Variants in LRRC36 observed in about 807,000 individuals in gnomAD.
LRRC36 encodes the protein leucine rich repeat containing 36.
Under a neutral mutation model 81.1 loss-of-function variants are expected in LRRC36, and 62 were observed. The observed-to-expected ratio is 0.76, with a 90% CI of 0.62 to 0.94. LRRC36 has a LOEUF of 0.94. Ranked by LOEUF, LRRC36 falls within the 40% of genes least tolerant of loss-of-function variation. The pLI, the probability that LRRC36 is intolerant of heterozygous loss-of-function variation, is 0.00. For missense variants in LRRC36, 761 were observed against 881.7 expected, an observed-to-expected ratio of 0.86 and a Z score of 1.73; for synonymous variants, 334 against 348.6, an observed-to-expected ratio of 0.96 and a Z score of 0.47.
chr16:67,340,834 A>G (rs2038004267), intron 1 of LRRC36, among the ~76,000 whole-genome samples: 1 of 142,164 alleles, frequency 7.0e-6, no homozygotes, highest in Non-Finnish European at 1.5e-5. Flanking sequence ...TATACTCTAT[A>G]GAATATATAC....
chr16:67,369,296 T>C (rs1330520312), intron 8 of LRRC36, among the ~76,000 whole-genome samples: 1 of 151,884 alleles, frequency 6.6e-6, no homozygotes, highest in Non-Finnish European at 1.5e-5. Context: ...GCCAGTAAGA[T>C]AGAGGGGAAA....
intron 8 of LRRC36, among the ~76,000 whole-genome samples, chr16:67,370,453 C>T (rs2039584358): frequency 1.3e-5 from 2 of 151,906 alleles, no homozygotes; most frequent in South Asian, 4.2e-4. Flanking sequence ...ACCAGCATGG[C>T]CAATATGGTG....
rs71145966 is a variant in LRRC36, at chr16:67,331,069, A to AAGAGAGAGAG, written c.70+4173_70+4182dup. On this transcript the variant is annotated intron_variant, in intron 1 of 13. Coordinates refer to ENST00000329956, the MANE Select transcript of LRRC36 (RefSeq NM_018296.6). ...GTGCATGTGTGAGATGTGAGAGAGA[A>AAGAGAGAGAG]AGAGAGAGAGAGAGAGAGAGAGAGA... is the stretch of plus-strand genomic sequence containing the variant. Among the ~76,000 whole-genome samples, 793 of 118,598 alleles carry AAGAGAGAGAG rather than the reference A, an allele frequency of 6.7e-3. 28 individuals are homozygous for AAGAGAGAGAG. The highest frequency in any genetic ancestry group is 0.025 in the African/African-American group (706 of 27,942). 77.8% of individuals were successfully genotyped at this position (118,598 alleles called of 152,430 possible).
intron 5 of LRRC36, among the ~76,000 whole-genome samples, chr16:67,356,020 T>C (rs1035002871): frequency 2.0e-5 from 3 of 152,186 alleles, no homozygotes; most frequent in African/African-American, 7.2e-5. Flanking sequence ...AAGGTTTATG[T>C]TGGGTAGAAG....
chr16:67,344,625 G>A (rs1222465618), intron 2 of LRRC36, among the ~76,000 whole-genome samples: 1 of 151,936 alleles, frequency 6.6e-6, no homozygotes, highest in East Asian at 1.9e-4. Flanking sequence ...ACTTGAGCTG[G>A]GCCATTAGAC....
chr16:67,366,798 T>C (rs1357357979), intron 7 of LRRC36, among the ~76,000 whole-genome samples: 1 of 152,162 alleles, frequency 6.6e-6, no homozygotes, highest in Non-Finnish European at 1.5e-5. Context: ...ATAGATTCTT[T>C]ACTGTTTACA....
chr16:67,365,631 A>G (rs1226470812), intron 7 of LRRC36, among the ~76,000 whole-genome samples: 3 of 151,794 alleles, frequency 2.0e-5, no homozygotes, highest in Admixed American at 1.3e-4. Flanking sequence ...ATTATTTTTT[A>G]TTCATCCATT....
intron 1 of LRRC36, among the ~76,000 whole-genome samples, chr16:67,334,368 A>T (rs1008610330): frequency 2.0e-5 from 3 of 151,032 alleles, no homozygotes; most frequent in South Asian, 4.2e-4. Flanking sequence ...TCTGTTGCCC[A>T]GGCTGGAATG....
intron 4 of LRRC36, among the ~76,000 whole-genome samples, chr16:67,348,955 C>T (rs1303871014): frequency 1.3e-5 from 2 of 152,150 alleles, no homozygotes; most frequent in Non-Finnish European, 2.9e-5. Context: ...CTTCAGTGAA[C>T]ATTCTTAGTT....
chr16:67,375,607 C>T (rs1460604520), intron 10 of LRRC36, among the ~76,000 whole-genome samples, 195 bp downstream of exon 10: 1 of 152,102 alleles, frequency 6.6e-6, no homozygotes, highest in Non-Finnish European at 1.5e-5. Context: ...AAAAGCAGCA[C>T]CTCTTCTAAT....
intron 4 of LRRC36, chr16:67,348,417 C>G (rs2038455033): frequency 6.6e-6 from 1 of 151,934 alleles, no homozygotes; most frequent in African/African-American, 2.4e-5. Context: ...ATTCATAATC[C>G]TACCATTCAG....
Position 67,382,184 on chromosome 16 carries a change from A to G in LRRC36, c.1982A>G (p.Asn661Ser). ...QQLTMQVACL[N>S]QELAQLKKLE... The stretch of plus-strand genomic sequence containing the variant: ...CTGACCATGCAGGTGGCTTGCCTGA[A>G]CCAGGAGCTTGCCCAGCTGAAAAAG... Residue 661 changes from asparagine (N) to serine (S), a missense_variant, in exon 13 of 14, where the codon AAC becomes AGC. Asn to Ser is a conservative substitution (Grantham distance 46, BLOSUM62 1). Coordinates refer to ENST00000329956, the MANE Select transcript of LRRC36 (RefSeq NM_018296.6). 6.2e-7 allele frequency: 1 copy of G among 1,614,216 alleles called. No individual in the cohort carries two copies. Among genetic ancestry groups the G allele is most frequent in the Non-Finnish European group, 8.5e-7 (1 of 1,180,038 alleles).
rs759468031 is a variant in LRRC36, at chr16:67,341,939, CTGA to C, written c.71-13_71-11del. The C allele has an allele frequency of 6.3e-7, 1 of 1,598,604 alleles. No individual in the cohort carries two copies. The highest frequency in any genetic ancestry group is 1.1e-5 in the South Asian group (1 of 88,974). Reference sequence around the variant, plus strand: ...CCGAGCAGGGATCATAATATATCTACTGATGATCTCTTTTCAGAACTGGTGGAG... The same window carrying C: ...CCGAGCAGGGATCATAATATATCTACTGATCTCTTTTCAGAACTGGTGGAG... On this transcript the variant is annotated splice_polypyrimidine_tract_variant and intron_variant, in intron 1 of 13. Coordinates refer to ENST00000329956, the MANE Select transcript of LRRC36 (RefSeq NM_018296.6).
At chr16:67,373,004 T>C (rs1188352523) in intron 9 of LRRC36, among the ~76,000 whole-genome samples, 1 of 152,216 alleles carries the variant, frequency 6.6e-6, no homozygotes, top group Non-Finnish European at 1.5e-5. Context: ...ATATTTGGGA[T>C]GTTATATTAA....
intron 12 of LRRC36, among the ~76,000 whole-genome samples, chr16:67,379,532 C>T (rs902851598): frequency 1.3e-5 from 2 of 152,154 alleles, no homozygotes; most frequent in African/African-American, 4.8e-5. Context: ...GCCTGGCCAA[C>T]ATGGTGAAAC....
chr16:67,358,456 C>T (rs1212605226), intron 5 of LRRC36, among the ~76,000 whole-genome samples: 1 of 152,008 alleles, frequency 6.6e-6, no homozygotes, highest in Non-Finnish European at 1.5e-5. Context: ...GATATTCCTG[C>T]CTCCTGAGTA....
Position 67,330,625 on chromosome 16 carries a change from G to A in LRRC36, c.70+3693G>A, listed in dbSNP as rs531135538. Among the ~76,000 whole-genome samples, 5 of 152,216 alleles carry A rather than the reference G, an allele frequency of 3.3e-5. No homozygotes were observed. In the East Asian group the frequency reaches 9.7e-4, roughly 29 times the overall value. On this transcript the variant is annotated intron_variant, in intron 1 of 13. Transcript: ENST00000329956. The stretch of plus-strand genomic sequence containing the variant: ...GCCTGTAATCCCAGCATTTTGGGAG[G>A]CCAAGGAGGATGGATCACCTGAGGT...
intron 12 of LRRC36, among the ~76,000 whole-genome samples, chr16:67,380,598 A>G (rs2040070638): frequency 6.6e-6 from 1 of 152,208 alleles, no homozygotes; most frequent in Non-Finnish European, 1.5e-5. Flanking sequence ...AAATCTCAGC[A>G]CTAAATAAAT....
intron 1 of LRRC36, 82 bp downstream of exon 1, chr16:67,327,014 C>G (rs1475618804): frequency 7.4e-7 from 1 of 1,344,686 alleles, no homozygotes. Flanking sequence ...AGGCGGGGAA[C>G]CTGAGATAGA....
Sources: allele counts gnomAD v4.1 joint callset (sites outside exome capture counted in the v4.1 genomes callset), GRCh38; gene constraint gnomAD v4.1.1; transcripts MANE v1.5; gene names NCBI Gene and HGNC (gene_info 2026-07-23, HGNC 2026-07-21).